The following CDC42SE2 variants were observed in gnomAD, a reference collection of about 807,000 sequenced individuals.
CDC42SE2 encodes the protein CDC42 small effector 2, also known as CDC42 small effector protein 2.
CDC42SE2 carries 3 observed loss-of-function variants against 11.5 expected under a neutral mutation model. The observed-to-expected ratio is 0.26, with a 90% CI of 0.12 to 0.67. CDC42SE2 has a LOEUF of 0.67. Among genes scored for constraint, CDC42SE2 ranks in the 30% least tolerant of loss-of-function variants. The pLI is 0.80. For synonymous variants in CDC42SE2, 33 were observed against 34.8 expected (o/e 0.95, Z 0.18); for missense variants, 82 against 106.8 (o/e 0.77, Z 1.02).
chr5:131,273,877 AG>A, intron 1 of CDC42SE2, among the ~76,000 whole-genome samples: 1 of 151,992 alleles, frequency 6.6e-6, no homozygotes, highest in South Asian at 2.1e-4. Context: ...TCCCGGGCTC[AG>A]GTGATCCTCC....
intron 1 of CDC42SE2, among the ~76,000 whole-genome samples, chr5:131,275,648 C>G (rs930393564): frequency 2.8e-5 from 3 of 106,364 alleles, no homozygotes; most frequent in African/African-American, 1.1e-4. Flanking sequence ...GGTGCCAAAA[C>G]TTCATTATTT....
chr5:131,302,343 C>G (rs1390991723), intron 1 of CDC42SE2, among the ~76,000 whole-genome samples: 2 of 152,200 alleles, frequency 1.3e-5, no homozygotes, highest in African/African-American at 4.8e-5. Context: ...CCACGCCTGG[C>G]TATTTTTGTA....
At chr5:131,264,498 C>G (rs899529882) in intron 1 of CDC42SE2, among the ~76,000 whole-genome samples, 2 of 151,784 alleles carry the variant, frequency 1.3e-5, no homozygotes, top group Non-Finnish European at 2.9e-5. Flanking sequence ...CAGACCCCCC[C>G]CCTCCCCCCA....
intron 1 of CDC42SE2, among the ~76,000 whole-genome samples, chr5:131,303,638 T>A (rs987438117): frequency 1.3e-5 from 2 of 152,218 alleles, no homozygotes; most frequent in African/African-American, 4.8e-5. Context: ...ATCATGATCC[T>A]AACATCCTGA....
intron 2 of CDC42SE2, chr5:131,354,574 T>C (rs1437934265): frequency 2.0e-5 from 3 of 152,260 alleles, no homozygotes; most frequent in Non-Finnish European, 1.5e-5. Flanking sequence ...ATCATCTGTG[T>C]TGCCTGAAGC....
chr5:131,343,323 C>T (rs1758758025), intron 2 of CDC42SE2, among the ~76,000 whole-genome samples: 2 of 152,170 alleles, frequency 1.3e-5, no homozygotes. Context: ...TTCAGTCCAT[C>T]ATCTATAATA....
At chr5:131,356,838 G>A (rs1413416379) in intron 2 of CDC42SE2, among the ~76,000 whole-genome samples, 3 of 152,084 alleles carry the variant, frequency 2.0e-5, no homozygotes, top group African/African-American at 7.2e-5. Flanking sequence ...AGCTCAGAAA[G>A]TCAAGGCTGC....
In CDC42SE2 at chr5:131,385,564, A is replaced by C; in HGVS notation, c.76A>C (p.Arg26=). Residue 26 remains arginine (R), a synonymous_variant, in exon 4 of 5, where the codon AGA becomes CGA. Transcript: ENST00000505065. ...TTAGAAAAGGCGACGGCGGATTGACAGAAGTATGATTGGAGAGCCCACAAA... is the reference window on the plus strand; with the variant it reads ...TTAGAAAAGGCGACGGCGGATTGACCGAAGTATGATTGGAGAGCCCACAAA... ...PQPKRRRRID[R]SMIGEPTNFV... The C allele has an allele frequency of 6.2e-7, 1 of 1,613,782 alleles. No homozygotes were observed. The highest frequency in any genetic ancestry group is 1.3e-5 in the African/African-American group (1 of 75,044).
chr5:131,337,670 G>A (rs964188730), intron 2 of CDC42SE2, among the ~76,000 whole-genome samples: 1 of 152,154 alleles, frequency 6.6e-6, no homozygotes, highest in Non-Finnish European at 1.5e-5. Flanking sequence ...GAGCAATGGC[G>A]GGCACCCCTC....
At chr5:131,221,641 C>CT in the CDC42SE2 span, among the ~76,000 whole-genome samples, 3 of 151,686 alleles carry the variant, frequency 2.0e-5, no homozygotes, top group Middle Eastern at 3.4e-3. Context: ...AATACCCATT[C>CT]TTTTTTTTCC....
rs151176732 is a variant in CDC42SE2 at position 131,346,666 on chromosome 5, A to G, written c.-285-12543A>G. On this transcript the variant is annotated intron_variant, in intron 2 of 4. Transcript: ENST00000505065. ...CACCAAGCCAACCTAATAGACATCT[A>G]CAGAACTCTCCACCCCAAATCAACA... Among the ~76,000 whole-genome samples, 4 of 152,236 alleles carry G rather than the reference A, an allele frequency of 2.6e-5. 1 individual carries two copies. Among genetic ancestry groups the G allele is most frequent in the Admixed American group, 1.3e-4 (2 of 15,274 alleles).
chr5:131,267,461 C>T (rs1756893945), intron 1 of CDC42SE2, among the ~76,000 whole-genome samples: 1 of 151,930 alleles, frequency 6.6e-6, no homozygotes, highest in South Asian at 2.1e-4. Context: ...TCAGGATTAT[C>T]TTGTGTTATA....
intron 1 of CDC42SE2, among the ~76,000 whole-genome samples, chr5:131,296,411 G>C (rs759271128): frequency 2.6e-5 from 4 of 152,168 alleles, no homozygotes; most frequent in Admixed American, 6.5e-5. Context: ...AGTTCTGAAG[G>C]TTAGAAGTCC....
At chr5:131,295,851 T>A (rs1335928040) in intron 1 of CDC42SE2, among the ~76,000 whole-genome samples, 3 of 151,196 alleles carry the variant, frequency 2.0e-5, no homozygotes, top group South Asian at 2.1e-4. Context: ...CCCGGCTAAG[T>A]TTTTGTATTT....
intron 2 of CDC42SE2, among the ~76,000 whole-genome samples, chr5:131,329,280 A>G (rs992926442): frequency 1.3e-5 from 2 of 152,160 alleles, no homozygotes; most frequent in African/African-American, 4.8e-5. Flanking sequence ...CCAGGTTACC[A>G]GTTTCCTTTC....
chr5:131,301,988 T>C (rs959710571), intron 1 of CDC42SE2, among the ~76,000 whole-genome samples: 3 of 151,912 alleles, frequency 2.0e-5, no homozygotes, highest in Non-Finnish European at 2.9e-5. Flanking sequence ...GCACCTCCTT[T>C]TTCTTTTTTT....
At position 131,338,165 on chromosome 5, in the gene CDC42SE2, A is replaced by C. The variant is rs565132380; in HGVS notation, c.-285-21044A>C. Among the ~76,000 whole-genome samples the C allele has an allele frequency of 2.1e-3, 317 of 152,324 alleles. 2 individuals are homozygous for C. Among genetic ancestry groups the C allele is most frequent in the African/African-American group, 7.4e-3 (308 of 41,572 alleles). On this transcript the variant is annotated intron_variant, in intron 2 of 4. Coordinates refer to ENST00000505065, the MANE Select transcript of CDC42SE2 (RefSeq NM_001375635.1). ...CTGTGTTATATATGAACAAGTAATC[A>C]CCACCAGTTTGTAAAAGACAACCAC... is the stretch of plus-strand genomic sequence containing the variant.
At chr5:131,316,904 C>G (rs1408617520) in intron 2 of CDC42SE2, among the ~76,000 whole-genome samples, 1 of 152,148 alleles carries the variant, frequency 6.6e-6, no homozygotes, top group Non-Finnish European at 1.5e-5. Flanking sequence ...TACTCAAAGC[C>G]ATGTTTTTTA....
intron 2 of CDC42SE2, among the ~76,000 whole-genome samples, chr5:131,339,181 G>A (rs1291032157): frequency 6.9e-6 from 1 of 145,932 alleles, no homozygotes; most frequent in Non-Finnish European, 1.5e-5. Flanking sequence ...CCAGGAGGTG[G>A]AGGTTGCAGT....
Sources: allele counts gnomAD v4.1 joint callset (sites outside exome capture counted in the v4.1 genomes callset), GRCh38; gene constraint gnomAD v4.1.1; transcripts MANE v1.5; gene names NCBI Gene and HGNC (gene_info 2026-07-23, HGNC 2026-07-21).